Variants in ZNF385D observed in about 807,000 individuals in gnomAD.
ZNF385D encodes the protein zinc finger protein 659.
A neutral mutation model predicts 35.8 loss-of-function variants in ZNF385D; 15 were observed. That is an observed-to-expected ratio of 0.42 (90% CI 0.28 to 0.64). ZNF385D has a LOEUF of 0.64. Ranked by LOEUF, ZNF385D falls within the 30% of genes least tolerant of loss-of-function variation. The probability of loss-of-function intolerance (pLI) is 0.23; values close to 1 mark genes in which losing one functional copy is unlikely to be tolerated. For missense variants in ZNF385D, 474 were observed against 494.6 expected, an observed-to-expected ratio of 0.96 and a Z score of 0.39; for synonymous variants, 212 against 186.8, an observed-to-expected ratio of 1.13 and a Z score of -1.10.
chr3:22,130,552 T>C (rs535848881), intron 3 of ZNF385D, among the ~76,000 whole-genome samples: 24 of 152,286 alleles, frequency 1.6e-4, no homozygotes, highest in Non-Finnish European at 2.8e-4. Context: ...CTGCTCCGTG[T>C]TGCTTTCTGC....
chr3:21,574,073 A>T (rs1335914280), intron 2 of ZNF385D, among the ~76,000 whole-genome samples: 2 of 151,500 alleles, frequency 1.3e-5, no homozygotes, highest in East Asian at 3.9e-4. Context: ...AAAAAAAAAA[A>T]AAGGAAGGGA....
intron 2 of ZNF385D, among the ~76,000 whole-genome samples, chr3:22,254,079 A>C (rs1427000727): frequency 6.6e-6 from 1 of 151,904 alleles, no homozygotes; most frequent in Non-Finnish European, 1.5e-5. Context: ...TGGGGAAAAT[A>C]TTTGCACAGT....
intron 3 of ZNF385D, among the ~76,000 whole-genome samples, chr3:22,089,072 C>T (rs763288341): frequency 5.9e-5 from 9 of 151,958 alleles, no homozygotes; most frequent in Admixed American, 2.0e-4. Context: ...CAAAAATAAC[C>T]AAGAAAAAGA....
At chr3:22,038,540 T>G (rs1698473317) in intron 3 of ZNF385D, among the ~76,000 whole-genome samples, 1 of 152,192 alleles carries the variant, frequency 6.6e-6, no homozygotes, top group Non-Finnish European at 1.5e-5. Context: ...ATCATTATCA[T>G]TATAATCTAC....
chr3:21,765,090 T>G (rs1039590533), intron 3 of ZNF385D, among the ~76,000 whole-genome samples: 1 of 151,994 alleles, frequency 6.6e-6, no homozygotes, highest in Non-Finnish European at 1.5e-5. Flanking sequence ...AAAATGAGAG[T>G]CTTTATAAGT....
intron 3 of ZNF385D, among the ~76,000 whole-genome samples, chr3:21,849,400 T>G (rs559055661): frequency 4.1e-4 from 63 of 152,188 alleles, no homozygotes; most frequent in African/African-American, 1.4e-3. Flanking sequence ...TTTCTGGTTC[T>G]TTAACACAGG....
chr3:22,083,170 C>G (rs1170005987), intron 3 of ZNF385D, among the ~76,000 whole-genome samples: 1 of 152,236 alleles, frequency 6.6e-6, no homozygotes, highest in Non-Finnish European at 1.5e-5. Flanking sequence ...AGCGCCTCTT[C>G]TTCTACTCCA....
chr3:22,291,645 A>T (rs1177388590), intron 2 of ZNF385D, among the ~76,000 whole-genome samples: 4 of 151,956 alleles, frequency 2.6e-5, no homozygotes, highest in Non-Finnish European at 4.4e-5. Flanking sequence ...GTTTTACTGT[A>T]TTACCAAGAA....
chr3:21,609,156 G>A (rs1824212), intron 2 of ZNF385D, among the ~76,000 whole-genome samples: 1 of 151,932 alleles, frequency 6.6e-6, no homozygotes, highest in African/African-American at 2.4e-5. Flanking sequence ...AGAAGAACAC[G>A]AGAGTAAGAG....
At chr3:22,173,858 G>A (rs908894736) in intron 2 of ZNF385D, among the ~76,000 whole-genome samples, 2 of 151,930 alleles carry the variant, frequency 1.3e-5, no homozygotes, top group South Asian at 4.2e-4. Flanking sequence ...AACGGTTGAG[G>A]GTTGAAAAAT....
chr3:22,296,876 A>G (rs965994486), intron 2 of ZNF385D, among the ~76,000 whole-genome samples: 3 of 152,114 alleles, frequency 2.0e-5, no homozygotes, highest in African/African-American at 7.2e-5. Context: ...GCATGGTGCC[A>G]TGGCTAATGG....
intron 3 of ZNF385D, among the ~76,000 whole-genome samples, chr3:21,890,378 G>C (rs1698787450): frequency 6.6e-6 from 1 of 152,182 alleles, no homozygotes; most frequent in East Asian, 1.9e-4. Context: ...CAGCACTTTG[G>C]GAGGCCGAGG....
At chr3:22,150,064 G>A (rs532958068) in intron 3 of ZNF385D, among the ~76,000 whole-genome samples, 6 of 152,270 alleles carry the variant, frequency 3.9e-5, no homozygotes, top group East Asian at 1.9e-4. Flanking sequence ...AGAGATTGCT[G>A]AAGTACTTTC....
intron 3 of ZNF385D, among the ~76,000 whole-genome samples, chr3:22,023,637 T>A (rs546304410): frequency 1.3e-5 from 2 of 151,752 alleles, no homozygotes; most frequent in Non-Finnish European, 2.9e-5. Context: ...ATATTTTAAA[T>A]ATGAGTTAGC....
At chr3:22,076,385 G>A (rs937502787) in intron 3 of ZNF385D, among the ~76,000 whole-genome samples, 1 of 151,682 alleles carries the variant, frequency 6.6e-6, no homozygotes, top group Non-Finnish European at 1.5e-5. Flanking sequence ...ATTTCCCATG[G>A]CCCATTAGCT....
intron 3 of ZNF385D, among the ~76,000 whole-genome samples, chr3:22,129,023 T>C (rs1318679047): frequency 6.6e-6 from 1 of 152,188 alleles, no homozygotes; most frequent in Non-Finnish European, 1.5e-5. Flanking sequence ...CTTTGGTCAC[T>C]GCAGCCATAT....
chr3:22,289,360 A>G (rs1439399370), intron 2 of ZNF385D, among the ~76,000 whole-genome samples: 1 of 152,166 alleles, frequency 6.6e-6, no homozygotes, highest in Non-Finnish European at 1.5e-5. Context: ...CTTGGTACAT[A>G]GAAAAATTCC....
At chr3:22,289,692 T>C (rs987327215) in intron 2 of ZNF385D, among the ~76,000 whole-genome samples, 14 of 152,172 alleles carry the variant, frequency 9.2e-5, no homozygotes, top group African/African-American at 2.9e-4. Context: ...GAATCACACA[T>C]GCCTAGTACG....
In ZNF385D at chr3:21,747,004, T is replaced by C. The variant is rs567473462; in HGVS notation, c.22+3891A>G. On this transcript the variant is annotated intron_variant, in intron 1 of 7. Coordinates refer to ENST00000281523, the MANE Select transcript of ZNF385D (RefSeq NM_024697.3). ...AATGCGTCTATTATAGGCAGGGGAA[T>C]AGGGTTCTGTCCTAGAATTTTCCTA... Among the ~76,000 whole-genome samples the C allele has an allele frequency of 2.0e-5, 3 of 151,736 alleles. No individual in the cohort carries two copies. The East Asian group carries it at 5.8e-4, about 30-fold the overall frequency.
Sources: gnomAD v4.1 joint callset for allele counts (sites outside exome capture counted in the v4.1 genomes callset) on GRCh38, gnomAD v4.1.1 for gene constraint, MANE v1.5 for transcripts, NCBI Gene and HGNC (gene_info 2026-07-23, HGNC 2026-07-21) for gene names.